ZNF688: variants seen among roughly 807,000 people sequenced by gnomAD.
ZNF688 encodes the protein zinc finger protein 688.
ZNF688 carries 10 observed loss-of-function variants against 13.2 expected under a neutral mutation model. The ratio of observed to expected loss-of-function variants is 0.76; its 90% CI spans 0.47 to 1.28. The LOEUF (loss-of-function observed/expected upper bound fraction) is 1.28, where lower values mean the gene tolerates loss of function less well. ZNF688 is among the 50% of genes most tolerant of loss of function. ZNF688 has a pLI of 0.00. For missense variants in ZNF688, 381 were observed against 391.4 expected (o/e 0.97, Z 0.22); for synonymous variants, 160 against 159.4 (o/e 1.00, Z -0.03).
chr16:30,570,123 C>T lies in ZNF688; in HGVS notation c.624G>A (p.Glu208=). Residue 208 remains glutamate (E), a synonymous_variant, in exon 3 of 3, where the codon GAG becomes GAA. Coordinates refer to ENST00000223459, the MANE Select transcript of ZNF688 (RefSeq NM_145271.4). Reference sequence around the variant, plus strand: ...CACACTCGGGGCAGGGGAAAGGCCGCTCCCCCGAGTGCATGCGCCTGTGGC... The same window carrying T: ...CACACTCGGGGCAGGGGAAAGGCCGTTCCCCCGAGTGCATGCGCCTGTGGC... ...LVSHRRMHSG[E]RPFPCPECGM... is the part of the protein sequence containing the mutation. 1.9e-6 allele frequency: 3 copies of T among 1,611,294 alleles called. No homozygotes were observed. The highest frequency in any genetic ancestry group is 2.5e-6 in the Non-Finnish European group (3 of 1,178,816).
rs768034951 is a variant in ZNF688, at chr16:30,570,388, G to A, written c.359C>T (p.Ala120Val). ...KEEEPEEVPR[A>V]KGPRKAPVKE... The stretch of plus-strand genomic sequence containing the variant: ...CACAGGAGCCTTTCTAGGCCCTTTG[G>A]CTCTTGGGACTTCCTCCGGTTCCTC... The change falls in exon 3 of 3, where the codon GCC (alanine) becomes GTC (valine). Residue 120 changes from alanine to valine, a missense_variant. Coordinates refer to ENST00000223459, the MANE Select transcript of ZNF688 (RefSeq NM_145271.4). 1 of 1,613,668 alleles carries A rather than the reference G, an allele frequency of 6.2e-7. No individual in the cohort carries two copies. Among genetic ancestry groups the A allele is most frequent in the African/African-American group, 1.3e-5 (1 of 74,942 alleles).
intron 2 of ZNF688, chr16:30,570,784 ACT>A (rs1320981131): frequency 4.7e-6 from 2 of 421,680 alleles, no homozygotes; most frequent in East Asian, 7.1e-5. Context: ...ACGGAGTCTC[ACT>A]CTGTCACCCA....
At chr16:30,572,247 A>C (rs1189436571), upstream of ZNF688, 2 of 1,575,148 alleles carry the variant, frequency 1.3e-6, no homozygotes, top group Non-Finnish European at 1.7e-6. Context: ...CTCTGTTGAC[A>C]GACTGGAGCG....
Position 30,570,347 on chromosome 16 carries a change from C to G in ZNF688, c.400G>C (p.Val134Leu). The change falls in exon 3 of 3, where the codon GTG becomes CTG. Residue 134 changes from valine (V) to leucine (L), a missense_variant. Transcript: ENST00000223459. ...GGGTCAGGGTTGCGTTCCACCAGCA[C>G]TTCAGGACTCTCCTTCACAGGAGCC... ...RKAPVKESPE[V>L]LVERNPDPAI... 6.2e-7 allele frequency: 1 copy of G among 1,614,122 alleles called. No homozygotes were observed. The highest frequency in any genetic ancestry group is 1.1e-5 in the South Asian group (1 of 91,090).
upstream of ZNF688, among the ~76,000 whole-genome samples, chr16:30,577,377 G>T (rs1022612645): frequency 4.7e-5 from 7 of 148,890 alleles, no homozygotes; most frequent in Admixed American, 2.0e-4. Flanking sequence ...CAGATTGAAA[G>T]AAACTTTTTT....
chr16:30,572,729 C>T (rs1450067079), upstream of ZNF688: 1 of 153,652 alleles, frequency 6.5e-6, no homozygotes, highest in African/African-American at 2.4e-5. Flanking sequence ...ACACCCAATG[C>T]TTGGCTAATT....
Position 30,571,543 on chromosome 16 carries a change from C to T in ZNF688, c.87G>A (p.Ala29=), listed in dbSNP as rs779329150. 3.7e-5 allele frequency: 59 copies of T among 1,584,680 alleles called. 1 individual carries two copies. The East Asian group carries it at 1.2e-3, about 34-fold the overall frequency. ...CCGGGGAGAAGTACACGGCCACGTC[C>T]GCGAAGCTCACAGTCCCGGGCTTCC... ...GCRKPGTVSF[A]DVAVYFSPEE... The change falls in exon 1 of 3, where the codon GCG becomes GCA. Residue 29 remains alanine (A), a synonymous_variant. Coordinates refer to ENST00000223459, the MANE Select transcript of ZNF688 (RefSeq NM_145271.4).
chr16:30,572,061 G>C (rs1359686924), upstream of ZNF688: 1 of 1,443,114 alleles, frequency 6.9e-7, no homozygotes, highest in African/African-American at 1.5e-5. Flanking sequence ...GGGGTGTCTG[G>C]GAAGTAGAGG....
At chr16:30,570,489 C>G in intron 2 of ZNF688, 53 bp from the exon 3 acceptor site, 1 of 1,558,246 alleles carries the variant, frequency 6.4e-7, no homozygotes, top group Non-Finnish European at 8.6e-7. Flanking sequence ...CAGACTGTCT[C>G]AGGTTATAGA....
At chr16:30,573,155 C>T (rs1018524969), upstream of ZNF688, among the ~76,000 whole-genome samples, 4 of 152,270 alleles carry the variant, frequency 2.6e-5, no homozygotes, top group Non-Finnish European at 5.9e-5. Flanking sequence ...GATCCTCCCG[C>T]CTCAGCCTCC....
At chr16:30,578,358 C>CAACA in the ZNF688 span, 1 of 152,176 alleles carries the variant, frequency 6.6e-6, no homozygotes, top group South Asian at 2.1e-4. Context: ...CAACAAAATG[C>CAACA]TCTTGCTTTC....
intron 2 of ZNF688, 112 bp downstream of exon 2, chr16:30,570,898 C>T: frequency 8.7e-7 from 1 of 1,155,448 alleles, no homozygotes; most frequent in Non-Finnish European, 1.3e-6. Context: ...TCCTCTAGTA[C>T]CCAACACAGT....
chr16:30,572,131 C>A, upstream of ZNF688: 3 of 1,599,212 alleles, frequency 1.9e-6, no homozygotes, highest in East Asian at 6.9e-5. Flanking sequence ...CCCCTCTGTA[C>A]CCGCAATACG....
chr16:30,574,235 G>A (rs1037851340), upstream of ZNF688, among the ~76,000 whole-genome samples: 12 of 151,532 alleles, frequency 7.9e-5, no homozygotes, highest in African/African-American at 2.7e-4. Flanking sequence ...GACAGAGTGA[G>A]ACCCCGTCTC....
rs2051681849 is a variant in ZNF688, at chr16:30,571,493, G to A, written c.137C>T (p.Ala46Val). Residue 46 changes from alanine (A) to valine (V), a missense_variant, in exon 1 of 3, where the codon GCG becomes GTG. By Grantham distance (64) the Ala-to-Val change is moderately conservative. Coordinates refer to ENST00000223459, the MANE Select transcript of ZNF688 (RefSeq NM_145271.4). The stretch of plus-strand genomic sequence containing the variant: ...CACGTCCCGGTACAGAGCCCTCTGC[G>A]CGGGCCGCAGACAGCCCCACTCCTC... ...SPEEWGCLRP[A>V]QRALYRDVMQ... is the part of the protein sequence containing the mutation. The A allele has an allele frequency of 6.3e-7, 1 of 1,590,278 alleles. No homozygotes were observed. The highest frequency in any genetic ancestry group is 2.3e-5 in the East Asian group (1 of 43,528).
upstream of ZNF688, chr16:30,571,939 G>A (rs534009995): frequency 1.1e-3 from 1,471 of 1,288,168 alleles, 8 homozygotes; most frequent in Non-Finnish European, 6.0e-4. Flanking sequence ...TGCTCTTAAG[G>A]GCGCCATTAT....
At chr16:30,577,456 T>G (rs561242013), upstream of ZNF688, among the ~76,000 whole-genome samples, 1 of 151,436 alleles carries the variant, frequency 6.6e-6, no homozygotes, top group Non-Finnish European at 1.5e-5. Flanking sequence ...CTTGGCTCAC[T>G]GCAACCTCCA....
chr16:30,572,168 C>T (rs752177808), upstream of ZNF688: 2 of 1,606,974 alleles, frequency 1.2e-6, no homozygotes, highest in South Asian at 1.1e-5. Flanking sequence ...GCGACGATCC[C>T]GGAAGAAGCT....
upstream of ZNF688, among the ~76,000 whole-genome samples, chr16:30,574,252 A>C (rs1395420744): frequency 6.6e-6 from 1 of 151,730 alleles, no homozygotes; most frequent in East Asian, 1.9e-4. Flanking sequence ...TCTCAAAAAG[A>C]AAAAAAAATT....
Sources: allele counts gnomAD v4.1 joint callset (sites outside exome capture counted in the v4.1 genomes callset), GRCh38; gene constraint gnomAD v4.1.1; transcripts MANE v1.5; gene names NCBI Gene and HGNC (gene_info 2026-07-23, HGNC 2026-07-21).